RHOH: variants seen among roughly 807,000 people sequenced by gnomAD.
RHOH encodes the protein ras homolog family member H.
RHOH carries 6 observed loss-of-function variants against 13.8 expected under a neutral mutation model. The observed-to-expected ratio is 0.44, with a 90% CI of 0.24 to 0.86. RHOH has a LOEUF of 0.86. RHOH is among the 40% of genes least tolerant of loss of function. The pLI is 0.24. For synonymous variants in RHOH, 117 were observed against 103.0 expected (o/e 1.14, Z -0.82); for missense variants, 147 against 244.5 (o/e 0.60, Z 2.66).
In RHOH at chr4:40,243,221, G is replaced by A. The variant is rs1729465237; in HGVS notation, c.-166G>A. 1.8e-6 allele frequency: 1 copy of A among 554,518 alleles called. No homozygotes were observed. Among genetic ancestry groups the A allele is most frequent in the Non-Finnish European group, 3.2e-6 (1 of 310,670 alleles). The allele number at this position is 554,518 out of a possible 1,614,324, so 34.3% of individuals were successfully genotyped here. A position where few individuals can be genotyped will look rare whatever the true frequency, so the allele number is the denominator to read the frequency against. ...AGGTTTTCAAAGCAGACGGTGCTTGGATGGGCAGGGAGAAGTAACATTCTG... is the reference window on the plus strand; with the variant it reads ...AGGTTTTCAAAGCAGACGGTGCTTGAATGGGCAGGGAGAAGTAACATTCTG... On this transcript the variant is annotated 5_prime_UTR_variant, in exon 3 of 3. Transcript: ENST00000381799. This position sits in a 1 kb window ranked among gnomAD's most constrained non-coding sequence, Gnocchi z 6.2.
At position 40,243,891 on chromosome 4, in the gene RHOH, A is replaced by T. The variant is rs753744746; in HGVS notation, c.505A>T (p.Thr169Ser). The T allele has an allele frequency of 6.2e-7, 1 of 1,614,156 alleles. No homozygotes were observed. Among genetic ancestry groups the T allele is most frequent in the Non-Finnish European group, 8.5e-7 (1 of 1,180,006 alleles). ...GCAGGTGTTTGAGTGCGCCGTCCGAACTGCCGTCAACCAGGCCAGGAGACG... is the reference window on the plus strand; with the variant it reads ...GCAGGTGTTTGAGTGCGCCGTCCGATCTGCCGTCAACCAGGCCAGGAGACG... The part of the protein sequence containing the change: ...VQQVFECAVR[T>S]AVNQARRRNR... The change falls in exon 3 of 3, where the codon ACT becomes TCT. Residue 169 changes from threonine to serine, a missense_variant. Coordinates refer to ENST00000381799, the MANE Select transcript of RHOH (RefSeq NM_004310.5). This position sits in a 1 kb window ranked among gnomAD's most constrained non-coding sequence, Gnocchi z 6.2.
intron 1 of RHOH, among the ~76,000 whole-genome samples, chr4:40,232,995 C>T (rs1260661648): frequency 6.6e-6 from 1 of 152,212 alleles, no homozygotes; most frequent in Non-Finnish European, 1.5e-5. Flanking sequence ...ATATCATCAT[C>T]ATCATAGCAG....
upstream of RHOH, among the ~76,000 whole-genome samples, chr4:40,195,639 T>C (rs1723065651): frequency 6.6e-6 from 1 of 152,002 alleles, no homozygotes; most frequent in African/African-American, 2.4e-5. Flanking sequence ...AGAGATGGGA[T>C]CTCACTACGT....
intron 1 of RHOH, among the ~76,000 whole-genome samples, chr4:40,236,269 G>A (rs76290867): frequency 0.033 from 5,049 of 152,206 alleles, 103 homozygotes; most frequent in Non-Finnish European, 0.041. Flanking sequence ...TCTTGTTCAC[G>A]ATTATTTCCT....
upstream of RHOH, chr4:40,193,255 C>T (rs1186388523): frequency 6.6e-6 from 1 of 152,370 alleles, no homozygotes; most frequent in Non-Finnish European, 1.5e-5. Context: ...GGCTCTGATT[C>T]CCAGTTACGA....
At chr4:40,203,386 G>T (rs893552211) in intron 1 of RHOH, among the ~76,000 whole-genome samples, 1 of 152,206 alleles carries the variant, frequency 6.6e-6, no homozygotes, top group Non-Finnish European at 1.5e-5. Flanking sequence ...CTAGAGGTTG[G>T]CAGGAATATG....
intron 1 of RHOH, among the ~76,000 whole-genome samples, chr4:40,211,994 G>A (rs1368485369): frequency 3.9e-5 from 6 of 152,122 alleles, no homozygotes; most frequent in African/African-American, 1.4e-4. Context: ...GTCATCCGAT[G>A]CTTTAAAAAT....
At chr4:40,191,847 C>G (rs1722721052), upstream of RHOH, among the ~76,000 whole-genome samples, 2 of 151,452 alleles carry the variant, frequency 1.3e-5, no homozygotes, top group Middle Eastern at 3.5e-3. Context: ...ATGAGAATAA[C>G]AGCAGGGGAA....
rs1466329455 is a variant in RHOH, at chr4:40,233,553, T to C, written c.-330-9161T>C. ...TGCCCCTTCTTACTCTGAACTACCTTTCTGTCTAGTAGGAGTTGGCAAACT... is the reference window on the plus strand; with the variant it reads ...TGCCCCTTCTTACTCTGAACTACCTCTCTGTCTAGTAGGAGTTGGCAAACT... On this transcript the variant is annotated intron_variant, in intron 1 of 2. Coordinates refer to ENST00000381799, the MANE Select transcript of RHOH (RefSeq NM_004310.5). 2.6e-5 allele frequency among the ~76,000 whole-genome samples: 4 copies of C among 152,170 alleles called. No homozygotes were observed. In the East Asian group the frequency reaches 7.7e-4, roughly 29 times the overall value.
chr4:40,206,259 C>A (rs998419201), intron 1 of RHOH, among the ~76,000 whole-genome samples: 4 of 152,190 alleles, frequency 2.6e-5, no homozygotes, highest in Non-Finnish European at 5.9e-5. Context: ...CAGCTGTCAC[C>A]TTCTTGAGAG....
At position 40,245,182 on chromosome 4, in the gene RHOH, G is replaced by C. The variant is rs1247733362; in HGVS notation, c.*1220G>C. 1 of 152,064 alleles carries C rather than the reference G, an allele frequency of 6.6e-6. No individual in the cohort carries two copies. The highest frequency in any genetic ancestry group is 1.5e-5 in the Non-Finnish European group (1 of 68,018). 9.4% of individuals were successfully genotyped at this position (152,064 alleles called of 1,614,324 possible). ...CACACAACTCAAACCTCATTCTATCGAATAGTTTAAAAGCAATGGTGTTGC... is the reference window on the plus strand; with the variant it reads ...CACACAACTCAAACCTCATTCTATCCAATAGTTTAAAAGCAATGGTGTTGC... On this transcript the variant is annotated 3_prime_UTR_variant, in exon 3 of 3. Transcript: ENST00000381799.
chr4:40,206,948 C>G (rs1333467985), intron 1 of RHOH, among the ~76,000 whole-genome samples: 2 of 152,158 alleles, frequency 1.3e-5, no homozygotes, highest in African/African-American at 2.4e-5. Context: ...GTGGCTCATG[C>G]CTGTAATCCC....
At chr4:40,236,822 G>A (rs913980598) in intron 1 of RHOH, among the ~76,000 whole-genome samples, 1 of 151,518 alleles carries the variant, frequency 6.6e-6, no homozygotes, top group Non-Finnish European at 1.5e-5. Context: ...TATACCTTAC[G>A]TATATAAAGT....
chr4:40,234,770 T>C (rs1379346683), intron 1 of RHOH, among the ~76,000 whole-genome samples: 1 of 65,560 alleles, frequency 1.5e-5, no homozygotes, highest in Non-Finnish European at 3.6e-5. Context: ...TTTTTTTTTT[T>C]GTAGAAACAG....
chr4:40,197,662 A>G (rs2109342268), intron 1 of RHOH, among the ~76,000 whole-genome samples: 1 of 152,342 alleles, frequency 6.6e-6, no homozygotes, highest in African/African-American at 2.4e-5. Flanking sequence ...TAAGTTGTGC[A>G]AATATGAATT....
At chr4:40,201,865 G>A (rs1424904456) in intron 1 of RHOH, among the ~76,000 whole-genome samples, 1 of 149,716 alleles carries the variant, frequency 6.7e-6, no homozygotes, top group Admixed American at 6.7e-5. Context: ...CATATTCACT[G>A]TATTATCATT....
At chr4:40,204,396 C>T (rs190811217) in intron 1 of RHOH, among the ~76,000 whole-genome samples, 2 of 152,340 alleles carry the variant, frequency 1.3e-5, no homozygotes, top group East Asian at 1.9e-4. Flanking sequence ...TACAAGCACG[C>T]GCTGACTATT....
At chr4:40,204,831 A>T (rs566534948) in intron 1 of RHOH, among the ~76,000 whole-genome samples, 1 of 152,220 alleles carries the variant, frequency 6.6e-6, no homozygotes, top group Admixed American at 6.5e-5. Flanking sequence ...TTCAGATAAC[A>T]TATGATTAAT....
At chr4:40,202,830 G>A (rs184745228) in intron 1 of RHOH, among the ~76,000 whole-genome samples, 4 of 152,112 alleles carry the variant, frequency 2.6e-5, no homozygotes, top group African/African-American at 4.8e-5. Context: ...ACAAGGAGAC[G>A]CTGATCTCAG....
Sources: allele counts gnomAD v4.1 joint callset (sites outside exome capture counted in the v4.1 genomes callset), GRCh38; gene constraint gnomAD v4.1.1; non-coding constraint Gnocchi (gnomAD v3.1); transcripts MANE v1.5; gene names NCBI Gene and HGNC (gene_info 2026-07-23, HGNC 2026-07-21).